GABRB1: variants seen among roughly 807,000 people sequenced by gnomAD.
GABRB1 encodes the protein gamma-aminobutyric acid type A receptor subunit beta1.
GABRB1 carries 17 observed loss-of-function variants against 51.6 expected under a neutral mutation model. The ratio of observed to expected loss-of-function variants is 0.33; its 90% confidence interval spans 0.23 to 0.49. The LOEUF (loss-of-function observed/expected upper bound fraction) is 0.49. Among genes scored for constraint, GABRB1 ranks in the 20% least tolerant of loss-of-function variants. The pLI, the probability that GABRB1 is intolerant of heterozygous loss-of-function variation, is 0.99. For synonymous variants in GABRB1, 247 were observed against 218.9 expected (o/e 1.13, Z -1.14); for missense variants, 410 against 600.6 (o/e 0.68, Z 3.32).
chr4:47,010,528 T>C (rs976329181), intron 1 of GABRB1, among the ~76,000 whole-genome samples: 1 of 152,238 alleles, frequency 6.6e-6, no homozygotes, highest in Non-Finnish European at 1.5e-5. Context: ...AAGGAAATAT[T>C]GTAAGCAATG....
In GABRB1 at chr4:47,129,912, A is replaced by G. The variant is rs572271372; in HGVS notation, c.241-31337A>G. ...AAAAAGGTGGATAAGCACATGTGTG[A>G]CTATGTAGATGAATAAATAGATATA... is the stretch of plus-strand genomic sequence containing the variant. On this transcript the variant is annotated intron_variant, in intron 3 of 8. Transcript: ENST00000295454. Among the ~76,000 whole-genome samples, 3 of 152,336 alleles carry G rather than the reference A, an allele frequency of 2.0e-5. No homozygotes were observed. The South Asian group carries it at 6.2e-4, about 32-fold the overall frequency.
chr4:47,095,786 C>T (rs774366779), intron 3 of GABRB1, among the ~76,000 whole-genome samples: 1 of 152,130 alleles, frequency 6.6e-6, no homozygotes, highest in Non-Finnish European at 1.5e-5. Context: ...ATTTTTATTT[C>T]AAATATCAAT....
At chr4:47,333,111 T>C (rs1362663130) in intron 5 of GABRB1, among the ~76,000 whole-genome samples, 7 of 146,522 alleles carry the variant, frequency 4.8e-5, no homozygotes, top group Non-Finnish European at 1.0e-4. Context: ...TTTATATTCA[T>C]ATATTTATAA....
chr4:47,233,716 T>C (rs1409824311), intron 4 of GABRB1, among the ~76,000 whole-genome samples: 1 of 152,158 alleles, frequency 6.6e-6, no homozygotes, highest in East Asian at 1.9e-4. Flanking sequence ...ACATACAAAA[T>C]TGTTGCAAAA....
At chr4:47,122,049 C>T (rs908565285) in intron 3 of GABRB1, among the ~76,000 whole-genome samples, 1 of 152,276 alleles carries the variant, frequency 6.6e-6, no homozygotes, top group South Asian at 2.1e-4. Context: ...CTTAACTCCT[C>T]TCTAGACTCT....
intron 4 of GABRB1, among the ~76,000 whole-genome samples, chr4:47,296,428 T>C (rs1274299232): frequency 6.6e-6 from 1 of 151,606 alleles, no homozygotes; most frequent in African/African-American, 2.4e-5. Context: ...ACCAAGCAAA[T>C]GGAAAACGAA....
chr4:47,349,491 T>A (rs1242662072), intron 5 of GABRB1, among the ~76,000 whole-genome samples: 4 of 152,130 alleles, frequency 2.6e-5, no homozygotes, highest in Non-Finnish European at 4.4e-5. Flanking sequence ...AAATGAAAAA[T>A]TCCAAAAGTA....
intron 3 of GABRB1, among the ~76,000 whole-genome samples, chr4:47,053,303 G>C (rs1193892298): frequency 6.6e-6 from 1 of 152,102 alleles, no homozygotes; most frequent in Non-Finnish European, 1.5e-5. Flanking sequence ...CACAATTCTG[G>C]AAACTGGGAA....
intron 4 of GABRB1, among the ~76,000 whole-genome samples, chr4:47,259,696 T>G (rs1051832599): frequency 4.6e-5 from 7 of 152,170 alleles, no homozygotes; most frequent in Non-Finnish European, 8.8e-5. Context: ...CCAGATTTTA[T>G]AGGTTCCAGA....
intron 1 of GABRB1, among the ~76,000 whole-genome samples, chr4:46,995,447 C>A (rs1006314817): frequency 6.6e-6 from 1 of 152,136 alleles, no homozygotes; most frequent in African/African-American, 2.4e-5. Context: ...CAGCCTCTAC[C>A]TTTTGGGCTC....
intron 4 of GABRB1, among the ~76,000 whole-genome samples, chr4:47,181,633 T>G (rs2109770456): frequency 6.6e-6 from 1 of 152,130 alleles, no homozygotes; most frequent in African/African-American, 2.4e-5. Flanking sequence ...CATAGGGTTG[T>G]AAGGGCAATA....
At chr4:47,211,971 C>G (rs1292896753) in intron 4 of GABRB1, among the ~76,000 whole-genome samples, 1 of 152,112 alleles carries the variant, frequency 6.6e-6, no homozygotes, top group Admixed American at 6.6e-5. Context: ...AACTTAAACT[C>G]ATCTACAAAG....
At chr4:47,026,043 T>C (rs180884347) in intron 1 of GABRB1, among the ~76,000 whole-genome samples, 2 of 151,958 alleles carry the variant, frequency 1.3e-5, no homozygotes, top group East Asian at 3.9e-4. Flanking sequence ...CAAGAAAAAA[T>C]GTTTTTGCTG....
intron 3 of GABRB1, among the ~76,000 whole-genome samples, chr4:47,081,075 G>A (rs771974991): frequency 2.6e-5 from 4 of 152,138 alleles, no homozygotes; most frequent in Admixed American, 6.6e-5. Flanking sequence ...AATGAATAAC[G>A]ATTCTGAGGA....
intron 8 of GABRB1, among the ~76,000 whole-genome samples, chr4:47,421,488 T>A (rs1479236687): frequency 6.6e-6 from 1 of 152,074 alleles, no homozygotes; most frequent in African/African-American, 2.4e-5. Context: ...GTCCTCCACC[T>A]GGAATGTTCT....
chr4:47,244,250 A>G (rs1042434192), intron 4 of GABRB1, among the ~76,000 whole-genome samples: 1 of 152,234 alleles, frequency 6.6e-6, no homozygotes, highest in Admixed American at 6.5e-5. Context: ...ATCGTGGTGC[A>G]TAAGCTTTTT....
chr4:47,390,107 T>C (rs1040335919), intron 5 of GABRB1, among the ~76,000 whole-genome samples: 18 of 152,346 alleles, frequency 1.2e-4, no homozygotes, highest in Admixed American at 1.0e-3. Flanking sequence ...GAAGAAAAGT[T>C]CTAGGTTTCT....
intron 4 of GABRB1, among the ~76,000 whole-genome samples, chr4:47,250,613 A>C (rs185654110): frequency 6.6e-6 from 1 of 152,134 alleles, no homozygotes. Flanking sequence ...GTCATTTAAC[A>C]TAATCCCAGA....
intron 5 of GABRB1, among the ~76,000 whole-genome samples, chr4:47,333,219 TATATATATATATATATAC>T (rs1402276915): frequency 0.081 from 4,749 of 58,772 alleles, 247 homozygotes; most frequent in African/African-American, 0.18. Context: ...TATATATATA[TATATATATATATATATAC>T]ACACCACGTA....
Sources: gnomAD v4.1 joint callset for allele counts (sites outside exome capture counted in the v4.1 genomes callset) on GRCh38, gnomAD v4.1.1 for gene constraint, MANE v1.5 for transcripts, NCBI Gene and HGNC (gene_info 2026-07-23, HGNC 2026-07-21) for gene names.